Variants in PRSS12 observed in about 807,000 individuals in gnomAD.
PRSS12 encodes serine protease 12, also known as neurotrypsin.
Under a neutral mutation model 104.4 loss-of-function variants are expected in PRSS12, and 85 were observed. That is an observed-to-expected ratio of 0.81 (90% CI 0.68 to 0.98). The LOEUF is 0.98. PRSS12 is among the 50% of genes least tolerant of loss of function. PRSS12 has a pLI of 0.00. For missense variants in PRSS12, 1,141 were observed against 1,139.2 expected (o/e 1.00, Z -0.02); for synonymous variants, 454 against 425.2 (o/e 1.07, Z -0.83).
intron 8 of PRSS12, chr4:118,305,806 A>G (rs958663213): frequency 6.6e-6 from 1 of 151,766 alleles, no homozygotes; most frequent in African/African-American, 2.4e-5. Flanking sequence ...ATAATTTCCC[A>G]TTTTCTTCTC....
chr4:118,281,174 G>C lies in PRSS12; in HGVS notation c.*762C>G, dbSNP rs1252054497. On this transcript the variant is annotated 3_prime_UTR_variant, in exon 13 of 13. Coordinates refer to ENST00000296498, the MANE Select transcript of PRSS12 (RefSeq NM_003619.4). The stretch of plus-strand genomic sequence containing the variant: ...GAGGTGCTTGTTAAAAGCAAATATA[G>C]TAGATATGTTAATGTGTTGGATAAA... 2.0e-5 allele frequency: 3 copies of C among 152,312 alleles called. No individual in the cohort carries two copies. 9.4% of individuals were successfully genotyped at this position (152,312 alleles called of 1,614,324 possible).
intron 12 of PRSS12, among the ~76,000 whole-genome samples, chr4:118,282,626 A>G (rs951134596): frequency 4.6e-5 from 7 of 152,170 alleles, no homozygotes; most frequent in African/African-American, 1.2e-4. Flanking sequence ...AATTAAACTG[A>G]GTTCTCAGTT....
chr4:118,308,407 A>G, intron 8 of PRSS12, 29 bp downstream of exon 8: 1 of 1,613,646 alleles, frequency 6.2e-7, no homozygotes, highest in Non-Finnish European at 8.5e-7. Context: ...CTCATCAGTA[A>G]CCATCCCAAA....
chr4:118,327,727 C>G (rs1379368655), intron 4 of PRSS12, among the ~76,000 whole-genome samples: 1 of 152,152 alleles, frequency 6.6e-6, no homozygotes, highest in African/African-American at 2.4e-5. Flanking sequence ...GTTAAAATGT[C>G]TCCAACTAAA....
intron 5 of PRSS12, among the ~76,000 whole-genome samples, chr4:118,318,157 C>A (rs1248237802): frequency 6.6e-6 from 1 of 152,136 alleles, no homozygotes; most frequent in African/African-American, 2.4e-5. Context: ...TCTGATCTAG[C>A]TTTACAAGAC....
intron 4 of PRSS12, among the ~76,000 whole-genome samples, chr4:118,320,346 T>G (rs1723581995): frequency 6.6e-6 from 1 of 152,160 alleles, no homozygotes; most frequent in Admixed American, 6.5e-5. Flanking sequence ...AGATACCAAT[T>G]TTGCGGCTAA....
intron 2 of PRSS12, among the ~76,000 whole-genome samples, chr4:118,336,021 C>A (rs913082665): frequency 6.6e-6 from 1 of 152,196 alleles, no homozygotes; most frequent in African/African-American, 2.4e-5. Flanking sequence ...AGCTAAAAGT[C>A]ATGCCAAGCT....
At chr4:118,350,813 GTACT>G (rs1724480514) in intron 1 of PRSS12, among the ~76,000 whole-genome samples, 1 of 152,152 alleles carries the variant, frequency 6.6e-6, no homozygotes, top group Admixed American at 6.5e-5. Context: ...CTGTGCTTAT[GTACT>G]TAAAGAGAAG....
chr4:118,323,250 G>A (rs573207089), intron 4 of PRSS12, among the ~76,000 whole-genome samples: 7 of 152,062 alleles, frequency 4.6e-5, no homozygotes, highest in African/African-American at 1.7e-4. Flanking sequence ...GAAAGCTCTA[G>A]AGAAAGGCAG....
intron 6 of PRSS12, among the ~76,000 whole-genome samples, chr4:118,315,929 G>T (rs1743894946): frequency 1.3e-5 from 2 of 152,302 alleles, no homozygotes; most frequent in South Asian, 4.1e-4. Context: ...AGGGGACTTA[G>T]AGGTCACCCC....
Position 118,338,199 on chromosome 4 carries a change from G to C in PRSS12, c.618C>G (p.Val206=). The C allele has an allele frequency of 6.2e-7, 1 of 1,614,014 alleles. No individual in the cohort carries two copies. Among genetic ancestry groups the C allele is most frequent in the South Asian group, 1.1e-5 (1 of 91,076 alleles). The change falls in exon 2 of 13, where the codon GTC becomes GTG. Residue 206 remains valine, a synonymous_variant. Transcript: ENST00000296498. ...SSHWDDSDAS[V]ICHQLQLGGK... is the part of the protein sequence containing the mutation. ...ACCCCAGCTGCAGCTGGTGACAAAT[G>C]ACTGATGCATCAGAATCATCCCAGT...
chr4:118,299,085 CA>C (rs906263224), intron 8 of PRSS12, 147 bp from the exon 9 acceptor site: 168 of 917,754 alleles, frequency 1.8e-4, no homozygotes, highest in Non-Finnish European at 2.2e-4. Flanking sequence ...TCATGACTGT[CA>C]AAAAAAATTA....
intron 11 of PRSS12, among the ~76,000 whole-genome samples, chr4:118,286,834 A>T (rs985648234): frequency 6.6e-6 from 1 of 152,168 alleles, no homozygotes; most frequent in Admixed American, 6.5e-5. Context: ...GGAACCACTG[A>T]ACCAAAGACT....
At chr4:118,299,779 TAAAATAAAATAAAATAAATA>T (rs1578908596) in intron 8 of PRSS12, among the ~76,000 whole-genome samples, 11 of 65,272 alleles carry the variant, frequency 1.7e-4, no homozygotes, top group East Asian at 1.0e-3. Flanking sequence ...TAAAATAAAA[TAAAATAAAATAAAATAAATA>T]AAATAAAATA....
chr4:118,311,444 T>TA (rs779469442), intron 7 of PRSS12, among the ~76,000 whole-genome samples: 1 of 152,130 alleles, frequency 6.6e-6, no homozygotes, highest in Non-Finnish European at 1.5e-5. Context: ...GCCAAAGAAG[T>TA]AAAAAATCTC....
chr4:118,308,649 A>G (rs943129308), intron 7 of PRSS12, 72 bp from the exon 8 acceptor site: 86 of 1,557,542 alleles, frequency 5.5e-5, no homozygotes, highest in Non-Finnish European at 7.3e-5. Flanking sequence ...GCGACTCTAC[A>G]AAACACAATT....
chr4:118,308,435 C>T lies in PRSS12; in HGVS notation c.1631+1G>A, dbSNP rs573138703. 2 of 1,613,992 alleles carry T rather than the reference C, an allele frequency of 1.2e-6. No individual in the cohort carries two copies. Among genetic ancestry groups the T allele is most frequent in the Non-Finnish European group, 1.7e-6 (2 of 1,179,924 alleles). On this transcript the variant is annotated splice_donor_variant, in intron 8 of 12. Transcript: ENST00000296498. LOFTEE classifies it high-confidence loss of function. ...ATCCCAAATAATTAGGTTTTCCTTA[C>T]TTGTAGCCAAGCTGACGACAGATCA...
At chr4:118,350,872 T>C in intron 1 of PRSS12, among the ~76,000 whole-genome samples, 1 of 152,232 alleles carries the variant, frequency 6.6e-6, no homozygotes, top group East Asian at 1.9e-4. Context: ...AATTCTCTGC[T>C]CTTATCTATT....
chr4:118,352,873 G>A lies in PRSS12; in HGVS notation c.-153C>T, dbSNP rs987717096. The A allele has an allele frequency of 7.0e-7, 1 of 1,424,172 alleles. No homozygotes were observed. The highest frequency in any genetic ancestry group is 1.5e-5 in the South Asian group (1 of 67,802). 88.2% of individuals were successfully genotyped at this position (1,424,172 alleles called of 1,614,324 possible). On this transcript the variant is annotated 5_prime_UTR_variant, in exon 1 of 13. Transcript: ENST00000296498. ...GGACCGCCCTCGCCTCCCCAACCTT[G>A]CCTCCCGCCGCTGGTGCCCTGCCGC...
Sources: allele counts gnomAD v4.1 joint callset (sites outside exome capture counted in the v4.1 genomes callset), GRCh38; gene constraint gnomAD v4.1.1; transcripts MANE v1.5; gene names NCBI Gene and HGNC (gene_info 2026-07-23, HGNC 2026-07-21).